PRELID2: variants seen among roughly 807,000 people sequenced by gnomAD.
PRELID2 encodes the protein PRELI domain-containing protein 2.
PRELID2 carries 25 observed loss-of-function variants against 28.4 expected under a neutral mutation model. The observed-to-expected ratio is 0.88, with a 90% CI of 0.64 to 1.23. The LOEUF (loss-of-function observed/expected upper bound fraction) is 1.23. Ranked by LOEUF, PRELID2 falls within the 50% of genes most tolerant of loss-of-function variation. The pLI is 0.00. For missense variants in PRELID2, 201 were observed against 214.4 expected (o/e 0.94, Z 0.39); for synonymous variants, 76 against 71.6 (o/e 1.06, Z -0.31).
Position 145,581,292 on chromosome 5 carries a change from T to C in PRELID2, n.71-107977A>G, listed in dbSNP as rs532530603. ...TTTCATAGAAGCCATGTGTTGTCAA[T>C]ATCATCACACATTTGTTCAGGCCAC... On this transcript the variant is annotated intron_variant and non_coding_transcript_variant, in intron 1 of 2. Transcript: ENST00000510259. 4.2e-4 allele frequency among the ~76,000 whole-genome samples: 64 copies of C among 152,186 alleles called. No homozygotes were observed. The South Asian group carries it at 0.011, about 27-fold the overall frequency.
At chr5:145,631,464 G>A (rs147517592) in intron 1 of PRELID2, among the ~76,000 whole-genome samples, 6 of 152,230 alleles carry the variant, frequency 3.9e-5, no homozygotes, top group African/African-American at 7.2e-5. Flanking sequence ...AGTGGGAATC[G>A]CAATATCTTT....
chr5:145,471,391 CA>C (rs1752053264), downstream of PRELID2, among the ~76,000 whole-genome samples: 3 of 152,058 alleles, frequency 2.0e-5, no homozygotes, highest in African/African-American at 7.2e-5. Flanking sequence ...TTTCTTATAC[CA>C]AAAGGGGAAT....
the PRELID2 span, among the ~76,000 whole-genome samples, chr5:145,254,419 A>T: frequency 2.6e-5 from 4 of 152,272 alleles, no homozygotes; most frequent in South Asian, 8.3e-4. Flanking sequence ...TCAAAACACT[A>T]CAAGTATGTG....
the PRELID2 span, among the ~76,000 whole-genome samples, chr5:145,424,920 G>A: frequency 1.3e-5 from 2 of 152,138 alleles, no homozygotes. Flanking sequence ...ATTGACAAAT[G>A]GGACCTAATT....
chr5:145,320,341 G>T, the PRELID2 span, among the ~76,000 whole-genome samples: 1 of 151,674 alleles, frequency 6.6e-6, no homozygotes, highest in Non-Finnish European at 1.5e-5. Context: ...CGGGATCTCG[G>T]CTCACTGCAA....
At chr5:145,482,939 G>A (rs948587347) in intron 1 of PRELID2, among the ~76,000 whole-genome samples, 5 of 152,050 alleles carry the variant, frequency 3.3e-5, no homozygotes, top group African/African-American at 1.2e-4. Flanking sequence ...AGGCGGTAAT[G>A]CGTGAAATGG....
At chr5:145,414,903 G>T in the PRELID2 span, among the ~76,000 whole-genome samples, 2 of 152,156 alleles carry the variant, frequency 1.3e-5, no homozygotes, top group African/African-American at 2.4e-5. Flanking sequence ...TCATAAAATA[G>T]ATTTGGAAAA....
intron 5 of PRELID2, among the ~76,000 whole-genome samples, chr5:145,772,471 G>A (rs1758168556): frequency 6.6e-6 from 1 of 152,178 alleles, no homozygotes; most frequent in Admixed American, 6.5e-5. Flanking sequence ...TTACAGTGCT[G>A]GAGGCTGGGA....
chr5:145,356,275 A>C, the PRELID2 span, among the ~76,000 whole-genome samples: 143 of 152,294 alleles, frequency 9.4e-4, 1 homozygote, highest in Non-Finnish European at 1.1e-3. Context: ...GACTTGTGAC[A>C]AAATGAGCAA....
At chr5:145,651,919 G>A (rs1473076496) in intron 1 of PRELID2, among the ~76,000 whole-genome samples, 1 of 152,232 alleles carries the variant, frequency 6.6e-6, no homozygotes, top group East Asian at 1.9e-4. Context: ...ACTTTGACAA[G>A]TTGAGAGATA....
chr5:145,454,584 T>C, the PRELID2 span, among the ~76,000 whole-genome samples: 2 of 152,230 alleles, frequency 1.3e-5, no homozygotes, highest in African/African-American at 2.4e-5. Flanking sequence ...CAGCAAAGTC[T>C]CAGGATACAA....
the PRELID2 span, among the ~76,000 whole-genome samples, chr5:145,288,713 A>G: frequency 6.2e-4 from 94 of 152,088 alleles, 1 homozygote; most frequent in Non-Finnish European, 2.9e-5. Flanking sequence ...ACATATCTGT[A>G]AGTATAAAAT....
At chr5:145,484,038 G>T (rs1236274823) in intron 1 of PRELID2, among the ~76,000 whole-genome samples, 2 of 152,162 alleles carry the variant, frequency 1.3e-5, no homozygotes, top group Admixed American at 6.5e-5. Context: ...AGAGCTGAGA[G>T]TCTAAAAGAG....
chr5:145,823,165 A>T (rs749774583), intron 1 of PRELID2, 31 bp from the exon 2 acceptor site: 7 of 1,057,712 alleles, frequency 6.6e-6, no homozygotes, highest in Non-Finnish European at 1.0e-5. Flanking sequence ...AAGAATTACC[A>T]TTAATCTTCT....
At chr5:145,407,601 C>T in the PRELID2 span, among the ~76,000 whole-genome samples, 5 of 152,158 alleles carry the variant, frequency 3.3e-5, no homozygotes, top group East Asian at 5.8e-4. Context: ...AACCCCAGTA[C>T]TTTTCTTGAC....
At position 145,823,067 on chromosome 5, in the gene PRELID2, G is replaced by T; in HGVS notation, c.133+10C>A. ...TGATCATTACTGAAAAAACTGTACA[G>T]AGAACTTACCTCTTTTTTCCTCCAT... On this transcript the variant is annotated intron_variant, in intron 2 of 6. Transcript: ENST00000683046. The T allele has an allele frequency of 6.9e-7, 1 of 1,440,288 alleles. No individual in the cohort carries two copies. Among genetic ancestry groups the T allele is most frequent in the Non-Finnish European group, 9.8e-7 (1 of 1,022,044 alleles). 89.2% of individuals were successfully genotyped at this position (1,440,288 alleles called of 1,614,324 possible).
At chr5:145,652,638 T>C (rs1480258736) in intron 1 of PRELID2, among the ~76,000 whole-genome samples, 1 of 152,204 alleles carries the variant, frequency 6.6e-6, no homozygotes, top group African/African-American at 2.4e-5. Context: ...GAATTTCATA[T>C]CCAGCCAAAC....
At chr5:145,395,672 A>C in the PRELID2 span, among the ~76,000 whole-genome samples, 2 of 152,178 alleles carry the variant, frequency 1.3e-5, no homozygotes, top group African/African-American at 4.8e-5. Context: ...ATGCAACATA[A>C]TTTTCTCCAC....
chr5:145,391,061 C>G, the PRELID2 span, among the ~76,000 whole-genome samples: 5 of 152,264 alleles, frequency 3.3e-5, no homozygotes, highest in Admixed American at 3.3e-4. Context: ...CAGGGTACAG[C>G]CCCCCTCCCG....
Sources: gnomAD v4.1 joint callset for allele counts (sites outside exome capture counted in the v4.1 genomes callset) on GRCh38, gnomAD v4.1.1 for gene constraint, MANE v1.5 for transcripts, NCBI Gene and HGNC (gene_info 2026-07-23, HGNC 2026-07-21) for gene names.